The following LCLAT1 variants were observed in gnomAD, a reference collection of about 807,000 sequenced individuals.
LCLAT1 encodes the protein 1-AGP acyltransferase 8.
In LCLAT1, 11 loss-of-function variants were observed where a neutral mutation model predicts 30.7. The observed-to-expected ratio is 0.36, with a 90% CI of 0.23 to 0.59. The LOEUF (loss-of-function observed/expected upper bound fraction) is 0.59, where lower values mean the gene tolerates loss of function less well. Among genes scored for constraint, LCLAT1 ranks in the 20% least tolerant of loss-of-function variants. LCLAT1 has a pLI of 0.77. For synonymous variants in LCLAT1, 155 were observed against 151.3 expected, an observed-to-expected ratio of 1.02 and a Z score of -0.18; for missense variants, 402 against 458.6, an observed-to-expected ratio of 0.88 and a Z score of 1.13.
chr2:30,485,838 G>C (rs2148318365), intron 1 of LCLAT1, among the ~76,000 whole-genome samples: 1 of 152,196 alleles, frequency 6.6e-6, no homozygotes, highest in South Asian at 2.1e-4. Flanking sequence ...TTGTTTTTTA[G>C]CATGCTAATT....
chr2:30,511,391 T>G (rs938014390), intron 1 of LCLAT1, among the ~76,000 whole-genome samples: 1 of 152,254 alleles, frequency 6.6e-6, no homozygotes. Context: ...TGCCTAGGAC[T>G]GTGCTGTTCA....
At chr2:30,517,627 C>A (rs950484922) in intron 1 of LCLAT1, among the ~76,000 whole-genome samples, 1 of 152,142 alleles carries the variant, frequency 6.6e-6, no homozygotes, top group Non-Finnish European at 1.5e-5. Flanking sequence ...GGAGCATATT[C>A]CTATAGTGGC....
At chr2:30,520,860 T>A (rs1182222609) in intron 1 of LCLAT1, among the ~76,000 whole-genome samples, 4 of 152,214 alleles carry the variant, frequency 2.6e-5, no homozygotes, top group Non-Finnish European at 5.9e-5. Flanking sequence ...TTCTATGGAT[T>A]TTCACAAATG....
chr2:30,597,535 G>A (rs1043009764), intron 5 of LCLAT1, among the ~76,000 whole-genome samples: 1 of 152,180 alleles, frequency 6.6e-6, no homozygotes, highest in African/African-American at 2.4e-5. Context: ...AGCTTAAGAA[G>A]CTTTTGGGCT....
chr2:30,513,725 A>G (rs1685047183), intron 1 of LCLAT1, among the ~76,000 whole-genome samples: 1 of 152,182 alleles, frequency 6.6e-6, no homozygotes, highest in Non-Finnish European at 1.5e-5. Flanking sequence ...TAACTGAGAT[A>G]AATACATATC....
chr2:30,546,923 T>C (rs1244372009), intron 3 of LCLAT1, among the ~76,000 whole-genome samples: 3 of 152,046 alleles, frequency 2.0e-5, no homozygotes, highest in African/African-American at 7.2e-5. Context: ...AATGGATTCA[T>C]CTTATTGATG....
intron 5 of LCLAT1, among the ~76,000 whole-genome samples, chr2:30,634,977 T>C (rs1468667086): frequency 6.6e-6 from 1 of 152,252 alleles, no homozygotes; most frequent in Non-Finnish European, 1.5e-5. Context: ...CCAGAAGGTC[T>C]TGATAGGATA....
Position 30,640,422 on chromosome 2 carries a change from A to C in LCLAT1, c.934A>C (p.Ile312Leu). ...GGTCCTTGTGGTCAAATTGCTCTCT[A>C]TACTGTATTGGACCCTGTTCAGCCC... ...LRVLVVKLLSILYWTLFSPAM... is the reference protein window; with the variant it reads ...LRVLVVKLLSLLYWTLFSPAM... Residue 312 changes from isoleucine to leucine, a missense_variant, in exon 6 of 6, where the codon ATA becomes CTA. Coordinates refer to ENST00000379509, the MANE Select transcript of LCLAT1 (RefSeq NM_001002257.3). 1 of 1,614,148 alleles carries C rather than the reference A, an allele frequency of 6.2e-7. No individual in the cohort carries two copies. Among genetic ancestry groups the C allele is most frequent in the Non-Finnish European group, 8.5e-7 (1 of 1,180,016 alleles).
intron 3 of LCLAT1, among the ~76,000 whole-genome samples, chr2:30,560,983 C>T (rs1665190164): frequency 6.6e-6 from 1 of 151,980 alleles, no homozygotes; most frequent in Non-Finnish European, 1.5e-5. Context: ...CTCTTGTTGC[C>T]CAGGCTGGAG....
At chr2:30,470,667 A>G (rs1682734141) in intron 1 of LCLAT1, among the ~76,000 whole-genome samples, 1 of 152,198 alleles carries the variant, frequency 6.6e-6, no homozygotes, top group Admixed American at 6.5e-5. Flanking sequence ...TGATTACTGT[A>G]GCCTCTTAGT....
At chr2:30,546,356 G>A (rs1274187969) in intron 3 of LCLAT1, among the ~76,000 whole-genome samples, 3 of 152,076 alleles carry the variant, frequency 2.0e-5, no homozygotes, top group Non-Finnish European at 4.4e-5. Flanking sequence ...TATTTTACAT[G>A]CTGTTGGTAT....
chr2:30,509,802 G>A (rs1057485461), intron 1 of LCLAT1, among the ~76,000 whole-genome samples: 1 of 152,116 alleles, frequency 6.6e-6, no homozygotes, highest in Non-Finnish European at 1.5e-5. Context: ...GACCTCGAAT[G>A]ATCCACCCGC....
chr2:30,586,006 G>A (rs986161806), intron 5 of LCLAT1, among the ~76,000 whole-genome samples: 1 of 152,112 alleles, frequency 6.6e-6, no homozygotes, highest in African/African-American at 2.4e-5. Context: ...AATTTGGGAA[G>A]CTGAGGCAGG....
intron 1 of LCLAT1, among the ~76,000 whole-genome samples, chr2:30,490,897 A>T (rs1202234480): frequency 6.6e-6 from 1 of 152,244 alleles, no homozygotes; most frequent in Admixed American, 6.5e-5. Flanking sequence ...TTGTAAGTAT[A>T]AAATACACAC....
intron 1 of LCLAT1, among the ~76,000 whole-genome samples, chr2:30,481,348 T>G (rs756888056): frequency 2.0e-5 from 3 of 152,132 alleles, no homozygotes; most frequent in East Asian, 3.8e-4. Flanking sequence ...GTTGGAGATA[T>G]TTTGGTAATA....
chr2:30,471,021 C>A (rs1291078888), intron 1 of LCLAT1, among the ~76,000 whole-genome samples: 1 of 146,774 alleles, frequency 6.8e-6, no homozygotes, highest in African/African-American at 2.5e-5. Flanking sequence ...TCAAGCAATT[C>A]TCTGCCTCAG....
chr2:30,534,098 C>T (rs1269973377), intron 3 of LCLAT1, among the ~76,000 whole-genome samples: 1 of 152,044 alleles, frequency 6.6e-6, no homozygotes, highest in Admixed American at 6.6e-5. Flanking sequence ...AACTATGTAC[C>T]CTCTTAAACC....
intron 5 of LCLAT1, among the ~76,000 whole-genome samples, chr2:30,572,644 T>A (rs1177755789): frequency 6.6e-6 from 1 of 152,164 alleles, no homozygotes; most frequent in African/African-American, 2.4e-5. Context: ...ATTCCAGTGC[T>A]CATGTTCTTT....
chr2:30,535,803 A>G (rs545352599), intron 3 of LCLAT1, among the ~76,000 whole-genome samples: 1 of 152,148 alleles, frequency 6.6e-6, no homozygotes, highest in Non-Finnish European at 1.5e-5. Context: ...TTCTCCAGTT[A>G]ATATACCCCA....
Sources: gnomAD v4.1 joint callset for allele counts (sites outside exome capture counted in the v4.1 genomes callset) on GRCh38, gnomAD v4.1.1 for gene constraint, MANE v1.5 for transcripts, NCBI Gene and HGNC (gene_info 2026-07-23, HGNC 2026-07-21) for gene names.